The following LAPTM5 variants were observed in gnomAD, a reference collection of about 807,000 sequenced individuals.
LAPTM5 encodes the protein lysosomal-associated transmembrane protein 5.
Under a neutral mutation model 30.1 loss-of-function variants are expected in LAPTM5, and 11 were observed. The ratio of observed to expected loss-of-function variants is 0.37; its 90% confidence interval spans 0.23 to 0.60. The LOEUF (loss-of-function observed/expected upper bound fraction) is 0.60. Among genes scored for constraint, LAPTM5 ranks in the 20% least tolerant of loss-of-function variants. The probability of loss-of-function intolerance (pLI) is 0.71; values close to 1 mark genes in which losing one functional copy is unlikely to be tolerated. For missense variants in LAPTM5, 324 were observed against 332.5 expected, an observed-to-expected ratio of 0.97 and a Z score of 0.20; for synonymous variants, 151 against 137.9, an observed-to-expected ratio of 1.10 and a Z score of -0.67.
intron 1 of LAPTM5, among the ~76,000 whole-genome samples, chr1:30,753,067 C>A (rs933293196): frequency 6.7e-6 from 1 of 149,326 alleles, no homozygotes; most frequent in Non-Finnish European, 1.5e-5. Flanking sequence ...CAGGCATGAG[C>A]CACCGCACCT....
rs78577389 is a variant in LAPTM5, at chr1:30,738,364, G to A, written c.510+576C>T. 7.8e-3 allele frequency among the ~76,000 whole-genome samples: 1,189 copies of A among 152,256 alleles called. 14 individuals carry two copies. The highest frequency in any genetic ancestry group is 0.028 in the African/African-American group (1,143 of 41,542). On this transcript the variant is annotated intron_variant, in intron 5 of 7. Coordinates refer to ENST00000294507, the MANE Select transcript of LAPTM5 (RefSeq NM_006762.3). ...GCCATGTCAGGAGAGCACTCAAGCA[G>A]CACTACTACAAGTCCACAGGATGAG...
chr1:30,733,635 T>C lies in LAPTM5; in HGVS notation c.*193A>G. The C allele has an allele frequency of 6.5e-7, 1 of 1,532,998 alleles. No individual in the cohort carries two copies. Among genetic ancestry groups the C allele is most frequent in the South Asian group, 1.2e-5 (1 of 83,214 alleles). 95.0% of individuals were successfully genotyped at this position (1,532,998 alleles called of 1,614,324 possible). A position where few individuals can be genotyped will look rare whatever the true frequency, so the allele number is the denominator to read the frequency against. ...GAGAGACCCGAGGAGTGACTCAGCCTAAAGCGTTGACCCAGTTGTGAGCAG... is the reference window on the plus strand; with the variant it reads ...GAGAGACCCGAGGAGTGACTCAGCCCAAAGCGTTGACCCAGTTGTGAGCAG... On this transcript the variant is annotated 3_prime_UTR_variant, in exon 8 of 8. Coordinates refer to ENST00000294507, the MANE Select transcript of LAPTM5 (RefSeq NM_006762.3).
At chr1:30,754,018 C>T (rs1258210864) in intron 1 of LAPTM5, among the ~76,000 whole-genome samples, 4 of 152,196 alleles carry the variant, frequency 2.6e-5, no homozygotes, top group Admixed American at 1.3e-4. Context: ...CCAGTTTTGA[C>T]GTATCCTGTT....
intron 1 of LAPTM5, among the ~76,000 whole-genome samples, chr1:30,753,277 C>T (rs1640163685): frequency 6.6e-6 from 1 of 152,096 alleles, no homozygotes; most frequent in African/African-American, 2.4e-5. Context: ...GCTACTCTGC[C>T]CTCAAGGAGG....
Position 30,746,857 on chromosome 1 carries a change from C to T in LAPTM5, c.88-4308G>A, listed in dbSNP as rs965654781. ...TGAGGTCAAATGGAATCGTGTGGTG[C>T]GCGGAGCCGGGCACACAGCAGGTGC... On this transcript the variant is annotated intron_variant, in intron 1 of 7. Transcript: ENST00000294507. This position sits in a 1 kb window ranked among gnomAD's most constrained non-coding sequence, Gnocchi z 4.0. Among the ~76,000 whole-genome samples the T allele has an allele frequency of 6.6e-5, 10 of 152,168 alleles. No individual in the cohort carries two copies. Among genetic ancestry groups the T allele is most frequent in the Admixed American group, 2.0e-4 (3 of 15,284 alleles).
At chr1:30,753,489 A>G (rs1640165989) in intron 1 of LAPTM5, among the ~76,000 whole-genome samples, 1 of 152,230 alleles carries the variant, frequency 6.6e-6, no homozygotes, top group African/African-American at 2.4e-5. Context: ...AGACTGGCAC[A>G]TCATCTCTGT....
At chr1:30,757,319 T>C (rs1640225516) in intron 1 of LAPTM5, among the ~76,000 whole-genome samples, 1 of 152,256 alleles carries the variant, frequency 6.6e-6, no homozygotes, top group Non-Finnish European at 1.5e-5. Context: ...ACATCTGCTG[T>C]TGGCTTTGCA....
intron 7 of LAPTM5, among the ~76,000 whole-genome samples, chr1:30,734,913 C>T (rs1428345358): frequency 6.6e-6 from 1 of 152,230 alleles, no homozygotes; most frequent in Non-Finnish European, 1.5e-5. Context: ...TCCTCTAAGG[C>T]AGAGGTGGCA....
Position 30,742,199 on chromosome 1 carries a change from CA to C in LAPTM5, c.181+256del, listed in dbSNP as rs1360165696. On this transcript the variant is annotated intron_variant, in intron 2 of 7. Coordinates refer to ENST00000294507, the MANE Select transcript of LAPTM5 (RefSeq NM_006762.3). Reference sequence around the variant, plus strand: ...GCTTTAAGCAGAAGAGTGAGGCTATCACCTTTACCAGCTGGTGGGGATTTGC... The same window carrying C: ...GCTTTAAGCAGAAGAGTGAGGCTATCCCTTTACCAGCTGGTGGGGATTTGC... 4 of 547,332 alleles carry C rather than the reference CA, an allele frequency of 7.3e-6. No individual in the cohort carries two copies. In the Admixed American group the frequency reaches 9.6e-5, roughly 13 times the overall value. 33.9% of individuals were successfully genotyped at this position (547,332 alleles called of 1,614,324 possible).
At chr1:30,755,092 A>G (rs1012627151) in intron 1 of LAPTM5, among the ~76,000 whole-genome samples, 1 of 152,166 alleles carries the variant, frequency 6.6e-6, no homozygotes, top group African/African-American at 2.4e-5. Context: ...CAGCCTGGAG[A>G]CAACCTGGGC....
intron 1 of LAPTM5, among the ~76,000 whole-genome samples, chr1:30,744,046 T>C (rs1640009632): frequency 1.3e-5 from 2 of 152,120 alleles, no homozygotes; most frequent in Non-Finnish European, 2.9e-5. Context: ...TGCATTATAT[T>C]TGCAAAGCAC....
chr1:30,741,899 A>G (rs561472971), intron 2 of LAPTM5, 183 bp from the exon 3 acceptor site: 8 of 491,492 alleles, frequency 1.6e-5, no homozygotes, highest in African/African-American at 1.2e-4. Flanking sequence ...AACATCACAC[A>G]TAGCACAGGA....
At position 30,733,299 on chromosome 1, in the gene LAPTM5, T is replaced by C. The variant is rs370229354; in HGVS notation, c.*529A>G. 8 of 239,648 alleles carry C rather than the reference T, an allele frequency of 3.3e-5. No homozygotes were observed. The highest frequency in any genetic ancestry group is 2.4e-4 in the East Asian group (2 of 8,228). 14.8% of individuals were successfully genotyped at this position (239,648 alleles called of 1,614,324 possible). A position where few individuals can be genotyped will look rare whatever the true frequency, so the allele number is the denominator to read the frequency against. On this transcript the variant is annotated 3_prime_UTR_variant, in exon 8 of 8. Transcript: ENST00000294507. ...TTCTAAATGACTCATGGTTGGCTAA[T>C]TGATTATCATGTAAGCAAGCTATTT...
intron 5 of LAPTM5, among the ~76,000 whole-genome samples, chr1:30,738,325 A>C (rs1389509189): frequency 1.3e-5 from 2 of 152,192 alleles, no homozygotes; most frequent in African/African-American, 4.8e-5. Flanking sequence ...TCACTCCCGC[A>C]GGGGAAGCCA....
intron 2 of LAPTM5, chr1:30,742,129 T>C: frequency 2.4e-6 from 1 of 418,368 alleles, no homozygotes; most frequent in Non-Finnish European, 4.4e-6. Context: ...GATCCTATGG[T>C]GAGGAGTTTC....
intron 1 of LAPTM5, among the ~76,000 whole-genome samples, chr1:30,752,764 C>G (rs759977615): frequency 1.3e-5 from 2 of 152,028 alleles, no homozygotes; most frequent in African/African-American, 4.8e-5. Context: ...CTTACCTGCA[C>G]GAGGTCAGGG....
intron 6 of LAPTM5, among the ~76,000 whole-genome samples, chr1:30,736,887 C>T (rs1639892152): frequency 6.6e-6 from 1 of 152,216 alleles, no homozygotes. Flanking sequence ...CCACAAAATT[C>T]CCCACAAGAG....
chr1:30,754,078 T>C (rs112292903), intron 1 of LAPTM5, among the ~76,000 whole-genome samples: 1,535 of 152,276 alleles, frequency 0.01, 17 homozygotes, highest in African/African-American at 0.034. Context: ...ACCCAGACAA[T>C]GCATTTCTGA....
At chr1:30,754,732 C>T (rs767458489) in intron 1 of LAPTM5, among the ~76,000 whole-genome samples, 12 of 152,208 alleles carry the variant, frequency 7.9e-5, no homozygotes, top group East Asian at 1.9e-4. Context: ...CCCAAAGCTA[C>T]GGACCAGGCT....
Sources: allele counts gnomAD v4.1 joint callset (sites outside exome capture counted in the v4.1 genomes callset), GRCh38; gene constraint gnomAD v4.1.1; non-coding constraint Gnocchi (gnomAD v3.1); transcripts MANE v1.5; gene names NCBI Gene and HGNC (gene_info 2026-07-23, HGNC 2026-07-21).